Variants in STK3 observed in about 807,000 individuals in gnomAD.
STK3 encodes the protein serine/threonine kinase 3, also known as serine/threonine-protein kinase 3.
STK3 carries 41 observed loss-of-function variants against 58.0 expected under a neutral mutation model. The observed-to-expected ratio is 0.71, with a 90% confidence interval of 0.55 to 0.92. The LOEUF is 0.92. STK3 is among the 40% of genes least tolerant of loss of function. The probability of loss-of-function intolerance (pLI) is 0.00; values close to 1 mark genes in which losing one functional copy is unlikely to be tolerated. For synonymous variants in STK3, 170 were observed against 191.0 expected, an observed-to-expected ratio of 0.89 and a Z score of 0.91; for missense variants, 479 against 602.7, an observed-to-expected ratio of 0.79 and a Z score of 2.15.
chr8:98,432,617 CTAATTCTTGCCGCATTTCAAA>C (rs1482989316), intron 3 of STK3: 2 of 167,108 alleles, frequency 1.2e-5, no homozygotes, highest in African/African-American at 4.8e-5. Context: ...GAACTACCTG[CTAATTCTTGCCGCATTTCAAA>C]GAAAATAAGT....
chr8:98,370,255 C>G (rs1404369650), downstream of STK3, among the ~76,000 whole-genome samples: 2 of 151,482 alleles, frequency 1.3e-5, no homozygotes, highest in African/African-American at 4.9e-5. Context: ...CATTCTCAGG[C>G]CAGTGGACCA....
At chr8:98,448,875 C>T (rs1414163485) in intron 1 of STK3, among the ~76,000 whole-genome samples, 3 of 152,080 alleles carry the variant, frequency 2.0e-5, no homozygotes, top group Non-Finnish European at 2.9e-5. Flanking sequence ...CCTTCATATC[C>T]TTCTCTTTCT....
At chr8:98,591,579 C>T (rs369343836) in intron 7 of STK3, among the ~76,000 whole-genome samples, 21 of 152,190 alleles carry the variant, frequency 1.4e-4, no homozygotes, top group Non-Finnish European at 2.2e-4. Context: ...ACCCTTTTAA[C>T]TTTATTAGCC....
chr8:98,616,383 C>A, intron 6 of STK3, among the ~76,000 whole-genome samples: 1 of 145,938 alleles, frequency 6.9e-6, no homozygotes, highest in Non-Finnish European at 1.5e-5. Flanking sequence ...ACCATCGAGA[C>A]TAGGAAGAAA....
chr8:98,803,549 G>A (rs1358879973), intron 1 of STK3, among the ~76,000 whole-genome samples: 4 of 142,608 alleles, frequency 2.8e-5, no homozygotes, highest in African/African-American at 1.1e-4. Context: ...AGCCAAGATC[G>A]CGCCACTGCA....
intron 8 of STK3, among the ~76,000 whole-genome samples, chr8:98,550,587 T>C (rs1488100531): frequency 1.3e-5 from 2 of 152,140 alleles, no homozygotes; most frequent in African/African-American, 2.4e-5. Context: ...ACTAGTTCTT[T>C]AAATAATTCT....
intron 8 of STK3, among the ~76,000 whole-genome samples, chr8:98,568,089 ATAG>A (rs1812649467): frequency 6.6e-6 from 1 of 151,988 alleles, no homozygotes; most frequent in Non-Finnish European, 1.5e-5. Context: ...AGATAGATAG[ATAG>A]ATAGATAGAT....
At chr8:98,857,668 A>G (rs1027792639) in intron 3 of STK3, among the ~76,000 whole-genome samples, 4 of 152,252 alleles carry the variant, frequency 2.6e-5, no homozygotes, top group Non-Finnish European at 4.4e-5. Flanking sequence ...ATTAAAGTCC[A>G]TTTAAAACTT....
intron 1 of STK3, among the ~76,000 whole-genome samples, chr8:98,819,255 T>C (rs1308493677): frequency 6.6e-6 from 1 of 152,110 alleles, no homozygotes; most frequent in Non-Finnish European, 1.5e-5. Context: ...TTTATGTAAA[T>C]GTGTGGGTCT....
At chr8:98,886,660 C>T (rs1474385547) in intron 1 of STK3, among the ~76,000 whole-genome samples, 2 of 152,040 alleles carry the variant, frequency 1.3e-5, no homozygotes, top group African/African-American at 4.8e-5. Context: ...AAATATTGTG[C>T]CCAGAAAAAG....
chr8:98,519,980 G>C (rs1246690228), intron 10 of STK3, among the ~76,000 whole-genome samples: 1 of 151,974 alleles, frequency 6.6e-6, no homozygotes, highest in African/African-American at 2.4e-5. Context: ...GATGGCTTTT[G>C]AAGTTTTTGT....
chr8:98,451,771 T>A (rs1215221365), downstream of STK3, among the ~76,000 whole-genome samples: 1 of 151,960 alleles, frequency 6.6e-6, no homozygotes, highest in Non-Finnish European at 1.5e-5. Context: ...CTCAGTGGCA[T>A]CAGACTGCCC....
At chr8:98,873,050 G>A (rs1241047974) in intron 3 of STK3, among the ~76,000 whole-genome samples, 18 of 152,000 alleles carry the variant, frequency 1.2e-4, no homozygotes, top group African/African-American at 2.4e-4. Flanking sequence ...CTTTGTTCTT[G>A]TTGGTTTCAA....
chr8:98,847,038 A>G (rs1488113297), intron 3 of STK3, among the ~76,000 whole-genome samples: 1 of 152,206 alleles, frequency 6.6e-6, no homozygotes, highest in African/African-American at 2.4e-5. Flanking sequence ...TTAGGTCTAG[A>G]TATGACTCTT....
At chr8:98,371,103 A>C (rs915948721), downstream of STK3, among the ~76,000 whole-genome samples, 2 of 152,180 alleles carry the variant, frequency 1.3e-5, no homozygotes, top group Admixed American at 6.5e-5. Flanking sequence ...AACAAAACTT[A>C]CTACATTGTT....
rs535076432 is a variant in STK3 at position 98,510,198 on chromosome 8, A to G, written c.1317+16544T>C. Among the ~76,000 whole-genome samples the G allele has an allele frequency of 8.5e-4, 130 of 152,278 alleles. No individual in the cohort carries two copies. The Middle Eastern group carries it at 0.01, about 12-fold the overall frequency. On this transcript the variant is annotated intron_variant, in intron 10 of 10. Transcript: ENST00000419617. Reference sequence around the variant, plus strand: ...GTAAAGAAGAATTACTAGAGACAATAGATGCCCCTTTTGTTATGCTGCTAT... The same window carrying G: ...GTAAAGAAGAATTACTAGAGACAATGGATGCCCCTTTTGTTATGCTGCTAT...
intron 2 of STK3, among the ~76,000 whole-genome samples, chr8:98,769,644 T>C (rs1277492761): frequency 6.6e-6 from 1 of 152,222 alleles, no homozygotes; most frequent in Non-Finnish European, 1.5e-5. Flanking sequence ...AATAGTATAC[T>C]GATGGTCTAT....
chr8:98,466,007 G>C (rs1290857007), intron 10 of STK3, among the ~76,000 whole-genome samples: 10 of 152,156 alleles, frequency 6.6e-5, no homozygotes, highest in Non-Finnish European at 1.5e-5. Context: ...CAAAATTTAA[G>C]TAACTCAAAA....
At chr8:98,717,979 T>C (rs1442788865) in intron 4 of STK3, among the ~76,000 whole-genome samples, 2 of 152,300 alleles carry the variant, frequency 1.3e-5, no homozygotes, top group East Asian at 3.9e-4. Flanking sequence ...ATCCTGCTTA[T>C]ATGAAATACT....
Sources: gnomAD v4.1 joint callset for allele counts (sites outside exome capture counted in the v4.1 genomes callset) on GRCh38, gnomAD v4.1.1 for gene constraint, MANE v1.5 for transcripts, NCBI Gene and HGNC (gene_info 2026-07-23, HGNC 2026-07-21) for gene names.